The following EYS variants were observed in gnomAD, a reference collection of about 807,000 sequenced individuals.
The protein encoded by EYS is protein eyes shut homolog.
A neutral mutation model predicts 282.1 loss-of-function variants in EYS; 250 were observed. The ratio of observed to expected loss-of-function variants is 0.89; its 90% CI spans 0.80 to 0.98. EYS has a LOEUF of 0.98. Ranked by LOEUF, EYS falls within the 50% of genes least tolerant of loss-of-function variation. EYS has a pLI of 0.00. For missense variants in EYS, 4,016 were observed against 3,709.0 expected, an observed-to-expected ratio of 1.08 and a Z score of -2.15; for synonymous variants, 1,355 against 1,282.9, an observed-to-expected ratio of 1.06 and a Z score of -1.20.
intron 31 of EYS, among the ~76,000 whole-genome samples, chr6:64,170,785 T>C (rs1228952084): frequency 1.3e-5 from 2 of 151,950 alleles, no homozygotes; most frequent in Non-Finnish European, 2.9e-5. Context: ...TAAGAATAAA[T>C]GATAATACAA....
intron 26 of EYS, among the ~76,000 whole-genome samples, chr6:64,563,382 C>A (rs906473988): frequency 1.3e-5 from 2 of 151,866 alleles, no homozygotes; most frequent in Non-Finnish European, 2.9e-5. Flanking sequence ...CATCAGAGAG[C>A]CTTTTCAAAC....
intron 26 of EYS, among the ~76,000 whole-genome samples, chr6:64,557,790 G>A (rs530831323): frequency 3.3e-5 from 5 of 151,994 alleles, no homozygotes; most frequent in African/African-American, 1.2e-4. Context: ...TTCCAATCTC[G>A]GTCAATAAAG....
At chr6:64,574,189 C>T (rs1397274648) in intron 26 of EYS, among the ~76,000 whole-genome samples, 2 of 152,114 alleles carry the variant, frequency 1.3e-5, no homozygotes, top group Non-Finnish European at 2.9e-5. Flanking sequence ...GAAAATCAAA[C>T]ACCACATGTT....
At chr6:63,973,259 G>C (rs1447668571) in intron 35 of EYS, among the ~76,000 whole-genome samples, 1 of 152,124 alleles carries the variant, frequency 6.6e-6, no homozygotes, top group African/African-American at 2.4e-5. Context: ...TAACTGGCAT[G>C]AGATGGTATC....
At chr6:64,354,881 G>A (rs1922943) in intron 29 of EYS, among the ~76,000 whole-genome samples, 103,921 of 151,330 alleles carry the variant, frequency 0.69, 35,706 homozygotes, top group South Asian at 0.71. Flanking sequence ...AATACATCAG[G>A]GAAGGAAAAA....
chr6:64,990,009 C>G (rs976456736), intron 14 of EYS, among the ~76,000 whole-genome samples: 1 of 151,316 alleles, frequency 6.6e-6, no homozygotes, highest in African/African-American at 2.4e-5. Flanking sequence ...TACAGGCATA[C>G]TTGCACATGT....
intron 35 of EYS, among the ~76,000 whole-genome samples, chr6:63,980,637 A>T (rs1188019748): frequency 6.6e-6 from 1 of 151,938 alleles, no homozygotes; most frequent in East Asian, 1.9e-4. Context: ...AAGGCTGAAT[A>T]TTAACACATC....
At chr6:65,162,914 T>G (rs557459980) in intron 12 of EYS, among the ~76,000 whole-genome samples, 139 of 148,592 alleles carry the variant, frequency 9.4e-4, no homozygotes, top group African/African-American at 3.2e-3. Flanking sequence ...GTTCTGTTTG[T>G]GTGTGTGTGT....
At chr6:63,736,766 G>A (rs1462036383) in intron 41 of EYS, among the ~76,000 whole-genome samples, 3 of 151,730 alleles carry the variant, frequency 2.0e-5, no homozygotes, top group Non-Finnish European at 1.5e-5. Context: ...ATTTCATTGA[G>A]CAGTGGTTTG....
At chr6:64,558,783 G>C (rs939014276) in intron 26 of EYS, among the ~76,000 whole-genome samples, 1 of 152,120 alleles carries the variant, frequency 6.6e-6, no homozygotes, top group African/African-American at 2.4e-5. Flanking sequence ...AAAATTTGCT[G>C]TTAGTATGTT....
rs1360313658 is a variant in EYS at position 65,441,003 on chromosome 6, TG to T, written c.863-35637del. 2.7e-5 allele frequency among the ~76,000 whole-genome samples: 4 copies of T among 148,416 alleles called. No homozygotes were observed. The Admixed American group carries it at 2.7e-4, about 10-fold the overall frequency. ...ATATATATCTATATATATTAAACTGTGTGTGTGTTTGGCACATCATAGGAAC... is the reference window on the plus strand; with the variant it reads ...ATATATATCTATATATATTAAACTGTTGTGTGTTTGGCACATCATAGGAAC... On this transcript the variant is annotated intron_variant, in intron 5 of 42. Coordinates refer to ENST00000503581, the MANE Select transcript of EYS (RefSeq NM_001142800.2).
chr6:65,171,589 C>T (rs1007308662), intron 12 of EYS, among the ~76,000 whole-genome samples: 3 of 151,396 alleles, frequency 2.0e-5, no homozygotes, highest in Non-Finnish European at 3.0e-5. Flanking sequence ...TGTGCGAGGT[C>T]GTTTCTGGTG....
intron 40 of EYS, among the ~76,000 whole-genome samples, chr6:63,763,610 C>T (rs922976194): frequency 6.6e-6 from 1 of 151,510 alleles, no homozygotes; most frequent in Non-Finnish European, 1.5e-5. Context: ...TAAGGGGCTT[C>T]CTTCTTCAAT....
chr6:65,179,305 G>A (rs1765310970), intron 12 of EYS, among the ~76,000 whole-genome samples: 1 of 151,748 alleles, frequency 6.6e-6, no homozygotes, highest in Non-Finnish European at 1.5e-5. Context: ...CAACAAAATT[G>A]ATAGACCTCT....
At chr6:64,912,231 A>G (rs375013675) in intron 16 of EYS, among the ~76,000 whole-genome samples, 300 of 17,198 alleles carry the variant, frequency 0.017, no homozygotes, top group Non-Finnish European at 0.025. Flanking sequence ...TTCTGAAAGA[A>G]AAAAAAAGGG....
chr6:64,643,122 C>CAAAAA (rs1554188071), intron 22 of EYS, among the ~76,000 whole-genome samples: 3 of 146,732 alleles, frequency 2.0e-5, no homozygotes, highest in Non-Finnish European at 1.5e-5. Context: ...TCCCCCCCCC[C>CAAAAA]AAAAAAAAAC....
intron 33 of EYS, among the ~76,000 whole-genome samples, chr6:64,004,838 C>G (rs574613672): frequency 6.6e-6 from 1 of 152,252 alleles, no homozygotes; most frequent in South Asian, 2.1e-4. Flanking sequence ...TATCTATTTA[C>G]CACATTTTCT....
chr6:64,180,925 C>T (rs1038554222), intron 31 of EYS, among the ~76,000 whole-genome samples: 1 of 152,068 alleles, frequency 6.6e-6, no homozygotes, highest in Admixed American at 6.6e-5. Flanking sequence ...AGCACAGTAC[C>T]TGATAGTTTT....
chr6:65,150,759 C>T (rs1179069032), intron 12 of EYS, among the ~76,000 whole-genome samples: 2 of 151,846 alleles, frequency 1.3e-5, no homozygotes, highest in African/African-American at 4.8e-5. Context: ...TATTTTTCCT[C>T]ATATTCTTTA....
Sources: gnomAD v4.1 joint callset for allele counts (sites outside exome capture counted in the v4.1 genomes callset) on GRCh38, gnomAD v4.1.1 for gene constraint, MANE v1.5 for transcripts, NCBI Gene and HGNC (gene_info 2026-07-23, HGNC 2026-07-21) for gene names.